The following CNTN4 variants were observed in gnomAD, a reference collection of about 807,000 sequenced individuals.
CNTN4 encodes contactin 4.
In CNTN4, 77 loss-of-function variants were observed where a neutral mutation model predicts 122.5. The observed-to-expected ratio is 0.63, with a 90% CI of 0.52 to 0.76. The LOEUF is 0.76. CNTN4 is among the 30% of genes least tolerant of loss of function. The pLI, the probability that CNTN4 is intolerant of heterozygous loss-of-function variation, is 0.00. For missense variants in CNTN4, 1,256 were observed against 1,259.1 expected (o/e 1.00, Z 0.04); for synonymous variants, 512 against 447.0 (o/e 1.15, Z -1.83).
intron 6 of CNTN4, among the ~76,000 whole-genome samples, chr3:2,806,090 CG>C (rs1186681191): frequency 6.6e-6 from 1 of 151,996 alleles, no homozygotes; most frequent in Non-Finnish European, 1.5e-5. Flanking sequence ...TTCAGAGAGA[CG>C]GGGGTCTCAC....
rs1479459959 is a variant in CNTN4 at position 2,812,888 on chromosome 3, T to C, written c.359-6598T>C. Among the ~76,000 whole-genome samples, 3 of 152,234 alleles carry C rather than the reference T, an allele frequency of 2.0e-5. No homozygotes were observed. In the South Asian group the frequency reaches 6.2e-4, roughly 32 times the overall value. On this transcript the variant is annotated intron_variant, in intron 6 of 24. Coordinates refer to ENST00000418658, the MANE Select transcript of CNTN4 (RefSeq NM_175607.3). ...AGGTAGAAAGTAAGAGTGCTAAGTT[T>C]GTACTCAGGTCCTTCTGACTCCAAA...
At chr3:2,747,266 G>T (rs139541139) in intron 6 of CNTN4, among the ~76,000 whole-genome samples, 5,672 of 149,314 alleles carry the variant, frequency 0.038, 176 homozygotes, top group Non-Finnish European at 0.054. Context: ...AAAATTAGCC[G>T]GGCGCAGTGG....
chr3:2,948,956 C>T (rs1302299583), intron 13 of CNTN4, among the ~76,000 whole-genome samples: 1 of 152,052 alleles, frequency 6.6e-6, no homozygotes, highest in Non-Finnish European at 1.5e-5. Flanking sequence ...CTAATCAGCC[C>T]TTCCAGTGAC....
At chr3:2,998,751 G>A (rs1695768450) in intron 14 of CNTN4, among the ~76,000 whole-genome samples, 1 of 152,116 alleles carries the variant, frequency 6.6e-6, no homozygotes, top group Admixed American at 6.6e-5. Context: ...GGAAAAGTGA[G>A]GGGAACACAC....
chr3:2,660,466 G>A (rs1478822728), intron 4 of CNTN4, among the ~76,000 whole-genome samples: 1 of 152,066 alleles, frequency 6.6e-6, no homozygotes, highest in Admixed American at 6.6e-5. Flanking sequence ...CTGCTTTTTT[G>A]AATCCAGAGC....
At chr3:2,162,470 A>C (rs1333347724) in intron 2 of CNTN4, among the ~76,000 whole-genome samples, 1 of 152,158 alleles carries the variant, frequency 6.6e-6, no homozygotes, top group Non-Finnish European at 1.5e-5. Flanking sequence ...CTATCAAATA[A>C]TATAGGAGGG....
intron 2 of CNTN4, among the ~76,000 whole-genome samples, chr3:2,115,212 A>C (rs1308785202): frequency 6.6e-6 from 1 of 152,220 alleles, no homozygotes; most frequent in African/African-American, 2.4e-5. Flanking sequence ...TAGTAACATA[A>C]GGATGAAGAA....
At chr3:2,324,457 C>T (rs537070272) in intron 2 of CNTN4, among the ~76,000 whole-genome samples, 38 of 152,214 alleles carry the variant, frequency 2.5e-4, no homozygotes, top group Admixed American at 3.3e-4. Flanking sequence ...AAGCATAAGA[C>T]GGTAACTTAA....
At chr3:2,937,513 G>A (rs1285442841) in intron 13 of CNTN4, among the ~76,000 whole-genome samples, 1 of 152,168 alleles carries the variant, frequency 6.6e-6, no homozygotes, top group African/African-American at 2.4e-5. Context: ...GTTTTACGTG[G>A]ACTATTTTAT....
At chr3:2,745,754 C>T in intron 6 of CNTN4, 57 bp downstream of exon 6, 2 of 1,487,278 alleles carry the variant, frequency 1.3e-6, no homozygotes, top group African/African-American at 2.8e-5. Context: ...TACCATTATA[C>T]CAATAAGCTT....
intron 3 of CNTN4, among the ~76,000 whole-genome samples, chr3:2,368,582 A>G (rs1035679230): frequency 6.6e-6 from 1 of 152,136 alleles, no homozygotes; most frequent in African/African-American, 2.4e-5. Context: ...GATTGAGTCT[A>G]TTCTCTCAGA....
At chr3:2,624,770 T>C (rs1475444511) in intron 4 of CNTN4, among the ~76,000 whole-genome samples, 1 of 151,576 alleles carries the variant, frequency 6.6e-6, no homozygotes, top group African/African-American at 2.4e-5. Flanking sequence ...TAGCTGGGAC[T>C]ATAGGCGCAT....
At chr3:2,199,396 C>T (rs903309294) in intron 2 of CNTN4, among the ~76,000 whole-genome samples, 2 of 151,850 alleles carry the variant, frequency 1.3e-5, no homozygotes, top group East Asian at 1.9e-4. Flanking sequence ...GCAGAGATCC[C>T]TCCGTACCTT....
intron 4 of CNTN4, among the ~76,000 whole-genome samples, chr3:2,728,621 A>G (rs2088414032): frequency 6.6e-6 from 1 of 152,230 alleles, no homozygotes; most frequent in African/African-American, 2.4e-5. Flanking sequence ...TGATTGGTCA[A>G]GGGCTCTGCA....
intron 2 of CNTN4, among the ~76,000 whole-genome samples, chr3:2,138,591 G>A (rs1392428787): frequency 6.6e-6 from 1 of 152,114 alleles, no homozygotes; most frequent in Non-Finnish European, 1.5e-5. Context: ...AATTCACTGA[G>A]GGCATGAATA....
intron 3 of CNTN4, among the ~76,000 whole-genome samples, chr3:2,502,221 T>C (rs1197074417): frequency 6.6e-6 from 1 of 152,152 alleles, no homozygotes. Flanking sequence ...CTCCAAGGCC[T>C]CCTTTCTCCA....
At chr3:2,781,196 C>A (rs985772095) in intron 6 of CNTN4, among the ~76,000 whole-genome samples, 1 of 152,204 alleles carries the variant, frequency 6.6e-6, no homozygotes, top group Non-Finnish European at 1.5e-5. Flanking sequence ...CCAGAAAGCT[C>A]AAACTCACTG....
In CNTN4 at chr3:2,745,016, A is replaced by G. The variant is rs542253396; in HGVS notation, c.183-506A>G. 5.9e-5 allele frequency among the ~76,000 whole-genome samples: 9 copies of G among 152,318 alleles called. 1 individual carries two copies. In the South Asian group the frequency reaches 1.9e-3, roughly 32 times the overall value. Reference sequence around the variant, plus strand: ...GTCCCCACAGCAGCTCAAGATCAATAGTTCCTCTGCTTTGCAGCCAGCCAT... The same window carrying G: ...GTCCCCACAGCAGCTCAAGATCAATGGTTCCTCTGCTTTGCAGCCAGCCAT... On this transcript the variant is annotated intron_variant, in intron 5 of 24. Coordinates refer to ENST00000418658, the MANE Select transcript of CNTN4 (RefSeq NM_175607.3).
intron 2 of CNTN4, among the ~76,000 whole-genome samples, chr3:2,207,429 T>C (rs2038410661): frequency 6.6e-6 from 1 of 152,044 alleles, no homozygotes; most frequent in African/African-American, 2.4e-5. Flanking sequence ...AAAGTTCTTA[T>C]TGAAAATTAC....
Sources: gnomAD v4.1 joint callset for allele counts (sites outside exome capture counted in the v4.1 genomes callset) on GRCh38, gnomAD v4.1.1 for gene constraint, MANE v1.5 for transcripts, NCBI Gene and HGNC (gene_info 2026-07-23, HGNC 2026-07-21) for gene names.